Variants in LRRK2 observed in about 807,000 individuals in gnomAD.
The protein encoded by LRRK2 is leucine-rich repeat serine/threonine-protein kinase 2.
LRRK2 carries 203 observed loss-of-function variants against 302.6 expected under a neutral mutation model. That is an observed-to-expected ratio of 0.67 (90% CI 0.60 to 0.75). The LOEUF is 0.75. LRRK2 is among the 30% of genes least tolerant of loss of function. LRRK2 has a pLI of 0.00. For missense variants in LRRK2, 2,830 were observed against 2,951.0 expected, an observed-to-expected ratio of 0.96 and a Z score of 0.95; for synonymous variants, 1,066 against 1,031.9, an observed-to-expected ratio of 1.03 and a Z score of -0.63.
Position 40,259,592 on chromosome 12 carries a change from T to C in LRRK2, c.1531T>C (p.Phe511Leu). ...GGAGGCGCTTCGAGCTATTTTACAT[T>C]TTATAGTGCCTGGTAAGTTACATAG... ...QLEALRAILH[F>L]IVPGMPEESR... Residue 511 changes from phenylalanine to leucine, a missense_variant, in exon 13 of 51, where the codon TTT becomes CTT. Around this residue, in one of 3 missense-constraint regions of LRRK2, gnomAD observed 2,121 missense variants for 2,148.0 expected, o/e 0.99. Coordinates refer to ENST00000298910, the MANE Select transcript of LRRK2 (RefSeq NM_198578.4). 1.2e-6 allele frequency: 2 copies of C among 1,613,096 alleles called. No homozygotes were observed. The highest frequency in any genetic ancestry group is 1.7e-6 in the Non-Finnish European group (2 of 1,179,302).
At chr12:40,362,284 A>T (rs1043808868) in intron 47 of LRRK2, among the ~76,000 whole-genome samples, 4 of 152,072 alleles carry the variant, frequency 2.6e-5, no homozygotes, top group Admixed American at 2.0e-4. Flanking sequence ...GGGAGGAAAA[A>T]AAATCTTCCT....
chr12:40,274,725 A>C lies in LRRK2; in HGVS notation c.1799A>C (p.Gln600Pro). The stretch of plus-strand genomic sequence containing the variant: ...ACACTGCAGATGTATCCAGATGACC[A>C]AGGTCAGTACAATTTGAATTCAGGA... ...LHTLQMYPDD[Q>P]EIQCLGLSLI... is the part of the protein sequence containing the mutation. Residue 600 changes from glutamine (Q) to proline (P), a missense_variant and splice_region_variant, in exon 15 of 51, where the codon CAA becomes CCA. Gln to Pro is a moderately conservative substitution (Grantham distance 76). Around this residue, in one of 3 missense-constraint regions of LRRK2, gnomAD observed 2,121 missense variants for 2,148.0 expected, o/e 0.99. Transcript: ENST00000298910. The C allele has an allele frequency of 6.2e-7, 1 of 1,614,046 alleles. No homozygotes were observed. The highest frequency in any genetic ancestry group is 1.3e-5 in the African/African-American group (1 of 75,058).
intron 16 of LRRK2, among the ~76,000 whole-genome samples, chr12:40,275,362 A>G (rs1273124563): frequency 6.6e-6 from 1 of 152,060 alleles, no homozygotes; most frequent in Non-Finnish European, 1.5e-5. Context: ...ACCTTTAGTA[A>G]TTTTGCTTGT....
chr12:40,358,883 C>T (rs1946622153), intron 46 of LRRK2, among the ~76,000 whole-genome samples: 1 of 151,774 alleles, frequency 6.6e-6, no homozygotes, highest in Non-Finnish European at 1.5e-5. Flanking sequence ...TGTTTGTGTC[C>T]TCTTCAATTT....
chr12:40,357,700 G>A (rs1375137488), intron 46 of LRRK2, among the ~76,000 whole-genome samples: 2 of 152,088 alleles, frequency 1.3e-5, no homozygotes, highest in Non-Finnish European at 2.9e-5. Flanking sequence ...AGTTAATGTT[G>A]AGCATTTTTT....
chr12:40,314,017 G>A lies in LRRK2; in HGVS notation c.4582G>A (p.Val1528Ile), dbSNP rs774313654. 1 of 1,612,246 alleles carries A rather than the reference G, an allele frequency of 6.2e-7. No homozygotes were observed. Among genetic ancestry groups the A allele is most frequent in the East Asian group, 2.2e-5 (1 of 44,800 alleles). The change falls in exon 32 of 51, where the codon GTA becomes ATA. Residue 1528 changes from valine to isoleucine, a missense_variant. Around this residue, in one of 3 missense-constraint regions of LRRK2, gnomAD observed 2,121 missense variants for 2,148.0 expected, o/e 0.99. Transcript: ENST00000298910. The part of the protein sequence containing the change: ...VVGQLIPDCY[V>I]ELEKIILSER... ...TGGACAGCTGATTCCAGACTGCTAT[G>A]TAGAACTTGAAAAAATCATTTTATC...
chr12:40,332,267 T>C (rs192138637), intron 39 of LRRK2, among the ~76,000 whole-genome samples: 1 of 152,236 alleles, frequency 6.6e-6, no homozygotes, highest in East Asian at 1.9e-4. Flanking sequence ...TGGGTGAGGG[T>C]TGAGTAACTC....
At chr12:40,284,821 A>G (rs1049439694) in intron 19 of LRRK2, among the ~76,000 whole-genome samples, 1 of 152,104 alleles carries the variant, frequency 6.6e-6, no homozygotes, top group African/African-American at 2.4e-5. Context: ...ATCAAACTCC[A>G]TGAATCAACA....
intron 44 of LRRK2, among the ~76,000 whole-genome samples, 172 bp downstream of exon 44, chr12:40,351,905 T>A (rs1284867835): frequency 2.0e-5 from 3 of 152,170 alleles, no homozygotes; most frequent in Non-Finnish European, 4.4e-5. Flanking sequence ...ACAGCATATG[T>A]CTTAGCTCAG....
chr12:40,279,932 T>TA (rs1295027167), intron 18 of LRRK2, among the ~76,000 whole-genome samples: 4 of 152,188 alleles, frequency 2.6e-5, no homozygotes, highest in African/African-American at 9.7e-5. Flanking sequence ...CAAAATAAGG[T>TA]AATCAGGACT....
intron 42 of LRRK2, among the ~76,000 whole-genome samples, chr12:40,347,997 T>G (rs1946243467): frequency 6.6e-6 from 1 of 152,022 alleles, no homozygotes. Flanking sequence ...TCAACCAGAA[T>G]AAGCTACGCC....
chr12:40,330,024 GACTT>G (rs1261305273), intron 39 of LRRK2, among the ~76,000 whole-genome samples: 1 of 152,194 alleles, frequency 6.6e-6, no homozygotes, highest in African/African-American at 2.4e-5. Context: ...TTCAGCACAT[GACTT>G]ACTGCTCTAA....
chr12:40,318,784 A>T, intron 33 of LRRK2, among the ~76,000 whole-genome samples: 1 of 152,110 alleles, frequency 6.6e-6, no homozygotes, highest in East Asian at 1.9e-4. Context: ...CTAAAACAGC[A>T]AACAATTCTC....
intron 20 of LRRK2, among the ~76,000 whole-genome samples, chr12:40,292,966 A>G (rs1944218210): frequency 6.6e-6 from 1 of 152,128 alleles, no homozygotes; most frequent in Non-Finnish European, 1.5e-5. Context: ...AAATTCAAAT[A>G]GAAATTTATT....
intron 22 of LRRK2, 95 bp downstream of exon 22, chr12:40,295,009 C>T: frequency 1.3e-6 from 1 of 760,710 alleles, no homozygotes; most frequent in Admixed American, 2.1e-5. Context: ...ATTCTTGGTG[C>T]CAGTTTCATC....
At chr12:40,273,623 G>A (rs1943325566) in intron 14 of LRRK2, among the ~76,000 whole-genome samples, 2 of 152,202 alleles carry the variant, frequency 1.3e-5, no homozygotes, top group South Asian at 4.1e-4. Flanking sequence ...ATTATCTGTG[G>A]TGGAGGCCAT....
At position 40,225,301 on chromosome 12, in the gene LRRK2, A is replaced by G. The variant is rs2136364549; in HGVS notation, c.151+19A>G. On this transcript the variant is annotated intron_variant, in intron 1 of 50. Transcript: ENST00000298910. ...GAGCGCGGTAATCACTTGAAAATAA[A>G]CTGTGCTTTTATTTTTGCAAACTTT... is the stretch of plus-strand genomic sequence containing the variant. 1.2e-6 allele frequency: 2 copies of G among 1,613,622 alleles called. No individual in the cohort carries two copies. Among genetic ancestry groups the G allele is most frequent in the Non-Finnish European group, 1.7e-6 (2 of 1,179,764 alleles).
chr12:40,347,663 T>G (rs958522425), intron 42 of LRRK2, among the ~76,000 whole-genome samples: 2 of 152,210 alleles, frequency 1.3e-5, no homozygotes, highest in Non-Finnish European at 2.9e-5. Context: ...AGTTTTCTAG[T>G]GAAAATATTC....
At chr12:40,241,132 G>GA (rs548888637) in intron 6 of LRRK2, among the ~76,000 whole-genome samples, 141 of 152,348 alleles carry the variant, frequency 9.3e-4, no homozygotes, top group African/African-American at 3.3e-3. Flanking sequence ...CAGTAAAGGT[G>GA]TGGGGTTATG....
Sources: gnomAD v4.1 joint callset for allele counts (sites outside exome capture counted in the v4.1 genomes callset) on GRCh38, gnomAD v4.1.1 for gene constraint, gnomAD v4.1.1 regional missense constraint, MANE v1.5 for transcripts, NCBI Gene and HGNC (gene_info 2026-07-23, HGNC 2026-07-21) for gene names.